Variants in ANKDD1B observed in about 807,000 individuals in gnomAD.
ANKDD1B encodes the protein ankyrin repeat and death domain containing 1B, also known as ankyrin repeat and death domain-containing protein 1B.
ANKDD1B carries 57 observed loss-of-function variants against 59.7 expected under a neutral mutation model. The ratio of observed to expected loss-of-function variants is 0.95; its 90% CI spans 0.77 to 1.19. The LOEUF (loss-of-function observed/expected upper bound fraction) is 1.19. Ranked by LOEUF, ANKDD1B falls within the 50% of genes most tolerant of loss-of-function variation. ANKDD1B has a pLI of 0.00. For synonymous variants in ANKDD1B, 216 were observed against 239.5 expected, an observed-to-expected ratio of 0.90 and a Z score of 0.91; for missense variants, 602 against 641.9, an observed-to-expected ratio of 0.94 and a Z score of 0.67.
At chr5:75,619,307 C>A (rs947620304) in intron 2 of ANKDD1B, among the ~76,000 whole-genome samples, 2 of 152,232 alleles carry the variant, frequency 1.3e-5, no homozygotes, top group African/African-American at 4.8e-5. Flanking sequence ...CTGCCTAAGA[C>A]TGGCGTCAGC....
intron 9 of ANKDD1B, among the ~76,000 whole-genome samples, chr5:75,657,047 C>A (rs1440457637): frequency 6.6e-6 from 1 of 152,194 alleles, no homozygotes. Flanking sequence ...TTTACCTATC[C>A]CAAAAGTTTT....
In ANKDD1B at chr5:75,667,004, A is replaced by T. The variant is rs1775324013; in HGVS notation, c.1393+11A>T. ...AGGAGCAGTGGTCGGGTGAGTACAG[A>T]CTAGATGATGTGGGCAGGAGGAATT... On this transcript the variant is annotated intron_variant, in intron 12 of 13. Transcript: ENST00000601380. The T allele has an allele frequency of 4.2e-6, 6 of 1,428,532 alleles. No homozygotes were observed. The South Asian group carries it at 7.7e-5, about 18-fold the overall frequency. 88.5% of individuals were successfully genotyped at this position (1,428,532 alleles called of 1,614,324 possible).
chr5:75,651,577 G>T (rs1774833248), intron 7 of ANKDD1B, among the ~76,000 whole-genome samples: 1 of 152,226 alleles, frequency 6.6e-6, no homozygotes. Flanking sequence ...TAGCACAGGG[G>T]AGACTGGCAG....
intron 5 of ANKDD1B, among the ~76,000 whole-genome samples, chr5:75,626,194 A>G (rs142415828): frequency 2.0e-4 from 31 of 152,260 alleles, no homozygotes; most frequent in African/African-American, 6.0e-4. Flanking sequence ...CCTTCTTCCC[A>G]TTCTACTCCC....
At chr5:75,621,002 T>G (rs1773833487) in intron 3 of ANKDD1B, among the ~76,000 whole-genome samples, 1 of 151,992 alleles carries the variant, frequency 6.6e-6, no homozygotes, top group South Asian at 2.1e-4. Context: ...TAGGGGAGGG[T>G]AACAAGAGAA....
intron 7 of ANKDD1B, among the ~76,000 whole-genome samples, chr5:75,648,264 AATT>A (rs1177187547): frequency 2.5e-3 from 91 of 36,146 alleles, no homozygotes; most frequent in African/African-American, 3.4e-3. Flanking sequence ...AAAAAAAAAA[AATT>A]AAAAAAAAAA....
intron 1 of ANKDD1B, among the ~76,000 whole-genome samples, chr5:75,612,339 C>T (rs1441724409): frequency 8.8e-6 from 1 of 113,134 alleles, no homozygotes; most frequent in Non-Finnish European, 2.0e-5. Flanking sequence ...CCCTCCGCCC[C>T]GCCCCCGCCC....
At chr5:75,628,130 AG>A (rs1774041156) in intron 5 of ANKDD1B, among the ~76,000 whole-genome samples, 1 of 152,188 alleles carries the variant, frequency 6.6e-6, no homozygotes. Context: ...TAGAAAACAC[AG>A]AAAAAATCTA....
chr5:75,655,416 C>T (rs554453841), intron 8 of ANKDD1B, among the ~76,000 whole-genome samples: 23 of 152,256 alleles, frequency 1.5e-4, no homozygotes, highest in African/African-American at 4.8e-4. Context: ...ACTGAGGAGT[C>T]GGGGCTCCAG....
In ANKDD1B at chr5:75,635,812, C is replaced by T. The variant is rs542617542; in HGVS notation, c.728C>T (p.Ala243Val). Reference protein sequence around the residue: ...KGGNTALHLAAKHGHSPAVQV... With the variant: ...KGGNTALHLAVKHGHSPAVQV... ...GGAAACACTGCCTTGCACCTCGCTG[C>T]GAAGCATGGTCACAGTCCTGCAGTG... Residue 243 changes from alanine to valine, a missense_variant, in exon 7 of 14, where the codon GCG becomes GTG. Around this residue, in one of 3 missense-constraint regions of ANKDD1B, gnomAD observed 317 missense variants for 304.6 expected, o/e 1.04. Coordinates refer to ENST00000601380, the MANE Select transcript of ANKDD1B (RefSeq NM_001276713.2). The T allele has an allele frequency of 5.7e-5, 87 of 1,532,828 alleles. 1 individual carries two copies. Among genetic ancestry groups the T allele is most frequent in the East Asian group, 4.7e-4 (19 of 40,816 alleles). The allele number at this position is 1,532,828 out of a possible 1,614,324, so 95.0% of individuals were successfully genotyped here. A position where few individuals can be genotyped will look rare whatever the true frequency, so the allele number is the denominator to read the frequency against.
intron 1 of ANKDD1B, among the ~76,000 whole-genome samples, chr5:75,615,443 G>A (rs1419295751): frequency 1.3e-5 from 2 of 152,110 alleles, no homozygotes; most frequent in South Asian, 2.1e-4. Flanking sequence ...ACGAAGAGAA[G>A]GATCCAGGTA....
At chr5:75,644,132 G>C (rs374561148) in intron 7 of ANKDD1B, among the ~76,000 whole-genome samples, 2 of 104,710 alleles carry the variant, frequency 1.9e-5, no homozygotes, top group African/African-American at 7.3e-5. Context: ...GGTACCAGCC[G>C]CTGCAAAATC....
At chr5:75,666,664 C>T (rs559405152) in intron 11 of ANKDD1B, 128 bp from the exon 12 acceptor site, 1 of 636,058 alleles carries the variant, frequency 1.6e-6, no homozygotes, top group Non-Finnish European at 2.7e-6. Flanking sequence ...GATCCAGTGA[C>T]AGGAGGCATT....
chr5:75,653,988 ACTT>A (rs988065432), intron 8 of ANKDD1B, among the ~76,000 whole-genome samples: 3 of 152,222 alleles, frequency 2.0e-5, no homozygotes, highest in Admixed American at 1.3e-4. Context: ...GCCAATGCCC[ACTT>A]CTTTGCAATG....
At chr5:75,614,525 A>G (rs987038313) in intron 1 of ANKDD1B, among the ~76,000 whole-genome samples, 1 of 152,184 alleles carries the variant, frequency 6.6e-6, no homozygotes, top group Non-Finnish European at 1.5e-5. Context: ...CCCAGGGAGA[A>G]TTGTGTCCCA....
At chr5:75,642,270 C>A (rs11956112) in intron 7 of ANKDD1B, among the ~76,000 whole-genome samples, 14,018 of 151,848 alleles carry the variant, frequency 0.092, 1,497 homozygotes, top group African/African-American at 0.27. Flanking sequence ...GGAACAGCTC[C>A]GGTCTACAGC....
intron 9 of ANKDD1B, among the ~76,000 whole-genome samples, chr5:75,656,696 T>C (rs1185729993): frequency 6.6e-6 from 1 of 152,222 alleles, no homozygotes; most frequent in East Asian, 1.9e-4. Flanking sequence ...GGGCACTGAA[T>C]GAGCCTGCTC....
At chr5:75,642,699 T>TA (rs1187906264) in intron 7 of ANKDD1B, among the ~76,000 whole-genome samples, 1 of 103,400 alleles carries the variant, frequency 9.7e-6, no homozygotes, top group Non-Finnish European at 1.8e-5. Flanking sequence ...CAGGCTTGCT[T>TA]AGGTAAACAA....
chr5:75,640,094 A>T (rs763438927), intron 7 of ANKDD1B, among the ~76,000 whole-genome samples: 6 of 151,034 alleles, frequency 4.0e-5, no homozygotes, highest in Non-Finnish European at 8.8e-5. Flanking sequence ...TCTAGGCTGG[A>T]GTGTGGTGAT....
Sources: gnomAD v4.1 joint callset for allele counts (sites outside exome capture counted in the v4.1 genomes callset) on GRCh38, gnomAD v4.1.1 for gene constraint, gnomAD v4.1.1 regional missense constraint, MANE v1.5 for transcripts, NCBI Gene and HGNC (gene_info 2026-07-23, HGNC 2026-07-21) for gene names.